SCFD2: variants seen among roughly 807,000 people sequenced by gnomAD.
SCFD2 encodes the protein sec1 family domain-containing protein 2.
Under a neutral mutation model 58.9 loss-of-function variants are expected in SCFD2, and 54 were observed. The ratio of observed to expected loss-of-function variants is 0.92; its 90% confidence interval spans 0.74 to 1.15. The LOEUF (loss-of-function observed/expected upper bound fraction) is 1.15. Among genes scored for constraint, SCFD2 ranks in the 50% most tolerant of loss-of-function variants. The pLI, the probability that SCFD2 is intolerant of heterozygous loss-of-function variation, is 0.00. For synonymous variants in SCFD2, 321 were observed against 335.9 expected (o/e 0.96, Z 0.49); for missense variants, 805 against 836.6 (o/e 0.96, Z 0.47).
chr4:52,909,563 C>T (rs144436726), intron 6 of SCFD2, among the ~76,000 whole-genome samples: 8 of 152,144 alleles, frequency 5.3e-5, no homozygotes, highest in African/African-American at 9.6e-5. Flanking sequence ...TATGGGGTGG[C>T]GGACCAAGCA....
chr4:53,176,891 G>A (rs980517625), intron 4 of SCFD2, among the ~76,000 whole-genome samples: 1 of 147,496 alleles, frequency 6.8e-6, no homozygotes, highest in African/African-American at 2.5e-5. Context: ...AAAGGTTGCA[G>A]TCAGCTGAGA....
chr4:53,156,398 CA>C (rs1171962847), intron 4 of SCFD2, among the ~76,000 whole-genome samples: 12,538 of 99,714 alleles, frequency 0.13, 624 homozygotes, highest in East Asian at 0.26. Flanking sequence ...AGACTCAACT[CA>C]AAAAAAAAAA....
intron 1 of SCFD2, among the ~76,000 whole-genome samples, chr4:53,362,716 C>T (rs774479455): frequency 6.6e-6 from 1 of 150,632 alleles, no homozygotes; most frequent in Non-Finnish European, 1.5e-5. Flanking sequence ...GTTGGAAGAG[C>T]ATGAGAGGTC....
intron 6 of SCFD2, among the ~76,000 whole-genome samples, chr4:52,913,588 T>A (rs1048769567): frequency 1.3e-5 from 2 of 152,314 alleles, no homozygotes; most frequent in Admixed American, 1.3e-4. Context: ...TATATCACAA[T>A]GTAATAATAG....
chr4:52,914,778 A>G (rs1422611193), intron 6 of SCFD2, among the ~76,000 whole-genome samples: 1 of 152,132 alleles, frequency 6.6e-6, no homozygotes, highest in Non-Finnish European at 1.5e-5. Context: ...GTGCAATTGT[A>G]CCATATGCTT....
intron 5 of SCFD2, among the ~76,000 whole-genome samples, chr4:52,946,272 A>G (rs192288666): frequency 3.3e-5 from 5 of 152,154 alleles, no homozygotes; most frequent in Non-Finnish European, 7.4e-5. Flanking sequence ...AGCCGTGAAC[A>G]TCATAGGTTT....
chr4:53,335,270 C>T (rs780470245), intron 2 of SCFD2, among the ~76,000 whole-genome samples: 1 of 150,586 alleles, frequency 6.6e-6, no homozygotes, highest in Non-Finnish European at 1.5e-5. Context: ...ATATTCCTGC[C>T]AGAAATACAT....
Position 53,365,825 on chromosome 4 carries a change from G to A in SCFD2, c.117C>T (p.Gly39=). Residue 39 remains glycine, a synonymous_variant, in exon 1 of 9, where the codon GGC becomes GGT. Coordinates refer to ENST00000401642, the MANE Select transcript of SCFD2 (RefSeq NM_152540.4). The surrounding 1 kb of genome is among the most constrained non-coding windows in gnomAD (Gnocchi z 4.3). The part of the protein sequence containing the change: ...DAACAESLHW[G]CGSTRLLEAV... ...CCTCCAGGAGACGGGTGGATCCGCA[G>A]CCCCAGTGCAGGCTCTCGGCGCAGG... The A allele has an allele frequency of 3.7e-6, 6 of 1,613,934 alleles. No homozygotes were observed. The highest frequency in any genetic ancestry group is 4.2e-6 in the Non-Finnish European group (5 of 1,180,002).
intron 5 of SCFD2, among the ~76,000 whole-genome samples, chr4:52,951,932 A>G (rs1446334305): frequency 6.6e-6 from 1 of 152,222 alleles, no homozygotes; most frequent in African/African-American, 2.4e-5. Flanking sequence ...GAGGATTAAA[A>G]AAGGGAGCTG....
intron 5 of SCFD2, among the ~76,000 whole-genome samples, chr4:53,105,246 C>T (rs1724954624): frequency 6.6e-6 from 1 of 152,110 alleles, no homozygotes; most frequent in South Asian, 2.1e-4. Context: ...GTTTCAAGCA[C>T]AAAACTGCGC....
intron 4 of SCFD2, among the ~76,000 whole-genome samples, chr4:53,257,079 T>TACACATGCGCCCCTGAACCTA (rs1553893163): frequency 3.3e-5 from 5 of 150,850 alleles, no homozygotes. Flanking sequence ...GTAACAAACC[T>TACACATGCGCCCCTGAACCTA]ACACATGCGC....
At chr4:53,300,825 T>A (rs539826451) in intron 3 of SCFD2, among the ~76,000 whole-genome samples, 1 of 152,334 alleles carries the variant, frequency 6.6e-6, no homozygotes, top group South Asian at 2.1e-4. Flanking sequence ...ACATGGAAAC[T>A]GAGCAAGCTG....
At position 53,030,717 on chromosome 4, in the gene SCFD2, C is replaced by T. The variant is rs770816980; in HGVS notation, c.1562-109847G>A. On this transcript the variant is annotated intron_variant, in intron 5 of 8. Coordinates refer to ENST00000401642, the MANE Select transcript of SCFD2 (RefSeq NM_152540.4). ...GATCACAGGTGTGAGCCACCACACC[C>T]GGCCAATCTAGCAGTTTTTATGAAG... Among the ~76,000 whole-genome samples, 28 of 152,272 alleles carry T rather than the reference C, an allele frequency of 1.8e-4. 1 individual carries two copies. Among genetic ancestry groups the T allele is most frequent in the East Asian group, 7.7e-4 (4 of 5,166 alleles).
chr4:53,138,616 G>A (rs1726012637), intron 5 of SCFD2, among the ~76,000 whole-genome samples: 1 of 152,166 alleles, frequency 6.6e-6, no homozygotes, highest in South Asian at 2.1e-4. Flanking sequence ...CATTTTGTGT[G>A]AGTAGAAAAG....
chr4:52,880,515 G>A (rs1381014136), intron 8 of SCFD2, among the ~76,000 whole-genome samples: 1 of 151,538 alleles, frequency 6.6e-6, no homozygotes, highest in Non-Finnish European at 1.5e-5. Context: ...TACTCGGGAG[G>A]CTGAGGAAGG....
At chr4:53,175,677 G>C (rs1727306605) in intron 4 of SCFD2, among the ~76,000 whole-genome samples, 1 of 152,166 alleles carries the variant, frequency 6.6e-6, no homozygotes, top group South Asian at 2.1e-4. Context: ...TTGTCTCCAT[G>C]AATAATTTAT....
At chr4:52,899,796 G>A (rs913604124) in intron 7 of SCFD2, among the ~76,000 whole-genome samples, 4 of 152,160 alleles carry the variant, frequency 2.6e-5, no homozygotes, top group African/African-American at 7.2e-5. Flanking sequence ...TCAGTTAGAC[G>A]TAGATTTGGT....
chr4:53,307,621 C>T (rs1190181557), intron 3 of SCFD2, among the ~76,000 whole-genome samples: 1 of 152,100 alleles, frequency 6.6e-6, no homozygotes, highest in Non-Finnish European at 1.5e-5. Context: ...CTCCAAGGTA[C>T]CAGGGAGGTA....
chr4:52,898,219 T>C (rs1370050336), intron 7 of SCFD2, among the ~76,000 whole-genome samples: 4 of 152,206 alleles, frequency 2.6e-5, no homozygotes, highest in Non-Finnish European at 5.9e-5. Context: ...TGCTCTTGCT[T>C]CTCTAGTTCT....
Sources: gnomAD v4.1 joint callset for allele counts (sites outside exome capture counted in the v4.1 genomes callset) on GRCh38, gnomAD v4.1.1 for gene constraint, Gnocchi (gnomAD v3.1) non-coding constraint, MANE v1.5 for transcripts, NCBI Gene and HGNC (gene_info 2026-07-23, HGNC 2026-07-21) for gene names.